BIRC6: variants seen among roughly 807,000 people sequenced by gnomAD.
BIRC6 encodes the protein baculoviral IAP repeat containing 6.
BIRC6 carries 98 observed loss-of-function variants against 503.3 expected under a neutral mutation model. The ratio of observed to expected loss-of-function variants is 0.19; its 90% confidence interval spans 0.17 to 0.23. BIRC6 has a LOEUF of 0.23. BIRC6 is among the 10% of genes least tolerant of loss of function. The probability of loss-of-function intolerance (pLI) is 1.00; values close to 1 mark genes in which losing one functional copy is unlikely to be tolerated. For synonymous variants in BIRC6, 2,240 were observed against 2,078.7 expected, an observed-to-expected ratio of 1.08 and a Z score of -2.11; for missense variants, 5,360 against 5,806.0, an observed-to-expected ratio of 0.92 and a Z score of 2.50.
At chr2:32,399,283 C>A (rs1021237354) in intron 6 of BIRC6, among the ~76,000 whole-genome samples, 6 of 152,022 alleles carry the variant, frequency 3.9e-5, no homozygotes, top group African/African-American at 1.4e-4. Flanking sequence ...ATGGGGTTTC[C>A]CCATGTTGGC....
At position 32,545,650 on chromosome 2, in the gene BIRC6, T is replaced by C. The variant is rs781654703; in HGVS notation, c.12600T>C (p.Ile4200=). The C allele has an allele frequency of 3.7e-6, 6 of 1,612,572 alleles. No individual in the cohort carries two copies. In the Admixed American group the frequency reaches 1.0e-4, roughly 27 times the overall value. The change falls in exon 63 of 74, where the codon ATT becomes ATC. Residue 4200 remains isoleucine, a synonymous_variant. Transcript: ENST00000421745. Reference sequence around the variant, plus strand: ...CTTCTTTCTTCAATCTAGGTCATATTCTTCAATCTCCATCAGCCAATGTGC... The same window carrying C: ...CTTCTTTCTTCAATCTAGGTCATATCCTTCAATCTCCATCAGCCAATGTGC... ...GVTDDGEGSH[I]LQSPSANVLP...
chr2:32,546,054 C>T (rs1423063396), intron 63 of BIRC6, among the ~76,000 whole-genome samples, 194 bp downstream of exon 63: 3 of 152,062 alleles, frequency 2.0e-5, no homozygotes, highest in Non-Finnish European at 2.9e-5. Flanking sequence ...AAAAAGAAAC[C>T]TATCTACTTG....
intron 43 of BIRC6, among the ~76,000 whole-genome samples, chr2:32,490,586 C>G (rs761425789): frequency 1.3e-5 from 2 of 151,960 alleles, no homozygotes; most frequent in Non-Finnish European, 2.9e-5. Context: ...TGAATTAGTT[C>G]TTATATATCC....
At chr2:32,568,445 T>TG (rs2059683287) in intron 65 of BIRC6, among the ~76,000 whole-genome samples, 1 of 143,984 alleles carries the variant, frequency 6.9e-6, no homozygotes, top group Non-Finnish European at 1.5e-5. Flanking sequence ...AGTGCAATGG[T>TG]TACACCATTG....
intron 57 of BIRC6, among the ~76,000 whole-genome samples, chr2:32,523,807 A>G (rs2055993832): frequency 6.6e-6 from 1 of 152,210 alleles, no homozygotes. Flanking sequence ...GAATCCTAGC[A>G]CTTTAGTAGG....
chr2:32,439,270 A>T (rs1334519529), intron 15 of BIRC6, among the ~76,000 whole-genome samples: 1 of 152,148 alleles, frequency 6.6e-6, no homozygotes, highest in Admixed American at 6.5e-5. Flanking sequence ...CCAAATGTTT[A>T]TCTCAATTAG....
chr2:32,542,337 A>T (rs575737283), intron 61 of BIRC6, among the ~76,000 whole-genome samples: 1 of 152,136 alleles, frequency 6.6e-6, no homozygotes, highest in Non-Finnish European at 1.5e-5. Flanking sequence ...TTGCTGTGCT[A>T]GAAAGCAAGG....
At chr2:32,540,326 A>G (rs1431556930) in intron 61 of BIRC6, among the ~76,000 whole-genome samples, 2 of 152,102 alleles carry the variant, frequency 1.3e-5, no homozygotes, top group Non-Finnish European at 2.9e-5. Flanking sequence ...AATTAAAGAC[A>G]TCACATGGTT....
intron 44 of BIRC6, among the ~76,000 whole-genome samples, chr2:32,492,313 G>C (rs2051837471): frequency 6.6e-6 from 1 of 151,988 alleles, no homozygotes; most frequent in Non-Finnish European, 1.5e-5. Context: ...TATTTACCAA[G>C]ATCAAATATC....
Position 32,479,511 on chromosome 2 carries a change from G to A in BIRC6, c.7302G>A (p.Val2434=). The A allele has an allele frequency of 6.2e-7, 1 of 1,605,188 alleles. No individual in the cohort carries two copies. The highest frequency in any genetic ancestry group is 1.7e-4 in the Middle Eastern group (1 of 6,050). Residue 2434 remains valine, a synonymous_variant, in exon 37 of 74, where the codon GTG becomes GTA. Coordinates refer to ENST00000421745, the MANE Select transcript of BIRC6 (RefSeq NM_016252.4). ...VAAEAMEEGT[V]GDDVGATAGD... The stretch of plus-strand genomic sequence containing the variant: ...CAGAAGCCATGGAGGAAGGAACAGT[G>A]GGTGATGATGTAGGTGCGACAGCTG...
In BIRC6 at chr2:32,443,496, G is replaced by T. The variant is rs2045633764; in HGVS notation, c.4244G>T (p.Gly1415Val). ...ARFLALCISN[G>V]KCDPCQPAFG... ...TCTTTTTAAAAATTTTTCAGTAATG[G>T]CAAATGTGACCCATGTCAACCAGCA... Residue 1415 changes from glycine (G) to valine (V), a missense_variant, in exon 20 of 74, where the codon GGC becomes GTC. Gly to Val is a moderately radical substitution (Grantham distance 109). This residue lies in a region of BIRC6 where 2,299 missense variants were observed against 2,267.2 expected (regional missense o/e 1.01). Transcript: ENST00000421745. The T allele has an allele frequency of 1.9e-6, 3 of 1,598,838 alleles. No homozygotes were observed. Among genetic ancestry groups the T allele is most frequent in the African/African-American group, 1.3e-5 (1 of 74,438 alleles).
intron 10 of BIRC6, among the ~76,000 whole-genome samples, chr2:32,418,285 C>T (rs1281215128): frequency 6.6e-6 from 1 of 152,174 alleles, no homozygotes; most frequent in Non-Finnish European, 1.5e-5. Context: ...CATATATGTG[C>T]CAGTTCATTG....
rs936586737 is a variant in BIRC6 at position 32,357,819 on chromosome 2, C to T, written c.325+333C>T. 6.6e-6 allele frequency among the ~76,000 whole-genome samples: 1 copy of T among 152,054 alleles called. No individual in the cohort carries two copies. The highest frequency in any genetic ancestry group is 1.5e-5 in the Non-Finnish European group (1 of 67,996). On this transcript the variant is annotated intron_variant, in intron 1 of 73. Transcript: ENST00000421745. The surrounding 1 kb of genome is among the most constrained non-coding windows in gnomAD (Gnocchi z 4.9). ...GGAGGAAGCGAGGCCCGGGTAGGCCCTGGAGAGGCTGTCGGTCCTGCGTCC... is the reference window on the plus strand; with the variant it reads ...GGAGGAAGCGAGGCCCGGGTAGGCCTTGGAGAGGCTGTCGGTCCTGCGTCC...
chr2:32,522,155 C>T (rs1325123871), intron 57 of BIRC6: 2 of 151,628 alleles, frequency 1.3e-5, no homozygotes, highest in African/African-American at 4.8e-5. Flanking sequence ...TCTCCTTGTC[C>T]TTACTTAAAG....
Position 32,617,799 on chromosome 2 carries a change from T to C in BIRC6, c.14469T>C (p.Asp4823=), listed in dbSNP as rs761025615. The change falls in exon 74 of 74, where the codon GAT becomes GAC. Residue 4823 remains aspartate (D), a synonymous_variant. Coordinates refer to ENST00000421745, the MANE Select transcript of BIRC6 (RefSeq NM_016252.4). ...CPEGLDPDTD[D]APEVCRATTG... is the part of the protein sequence containing the mutation. ...AAGGCTTGGATCCTGACACTGACGA[T>C]GCCCCAGAGGTGTGCAGAGCCACAA... is the stretch of plus-strand genomic sequence containing the variant. 3.7e-6 allele frequency: 6 copies of C among 1,614,020 alleles called. No homozygotes were observed. Among genetic ancestry groups the C allele is most frequent in the Non-Finnish European group, 5.1e-6 (6 of 1,179,888 alleles).
In BIRC6 at chr2:32,401,273, C is replaced by T. The variant is rs752538662; in HGVS notation, c.1145C>T (p.Thr382Met). 32 of 1,613,854 alleles carry T rather than the reference C, an allele frequency of 2.0e-5. No individual in the cohort carries two copies. Among genetic ancestry groups the T allele is most frequent in the African/African-American group, 6.7e-5 (5 of 74,906 alleles). The part of the protein sequence containing the change: ...LATSPAQFPC[T>M]DGTDRISCFG... ...ACAAGTCCTGCACAGTTTCCTTGTA[C>T]GGATGGAACTGACAGAATATCTTGC... Residue 382 changes from threonine to methionine, a missense_variant, in exon 7 of 74, where the codon ACG becomes ATG. Thr to Met is a moderately conservative substitution (Grantham distance 81). Transcript: ENST00000421745.
At chr2:32,377,921 T>TCTCTG (rs1473099490) in intron 2 of BIRC6, among the ~76,000 whole-genome samples, 152 bp downstream of exon 2, 3 of 152,226 alleles carry the variant, frequency 2.0e-5, no homozygotes, top group African/African-American at 7.2e-5. Context: ...ATTTAAATAT[T>TCTCTG]AATACTCACC....
At chr2:32,391,968 G>T in intron 4 of BIRC6, 71 bp from the exon 5 acceptor site, 2 of 1,001,370 alleles carry the variant, frequency 2.0e-6, no homozygotes, top group Admixed American at 2.9e-5. Context: ...ATTATTTTTT[G>T]CATTGTTAAA....
chr2:32,551,988 C>T (rs1559036761), intron 65 of BIRC6, among the ~76,000 whole-genome samples: 1 of 152,162 alleles, frequency 6.6e-6, no homozygotes. Context: ...TAAAAAAACG[C>T]AGGCCTAACA....
Sources: gnomAD v4.1 joint callset for allele counts (sites outside exome capture counted in the v4.1 genomes callset) on GRCh38, gnomAD v4.1.1 for gene constraint, gnomAD v4.1.1 regional missense constraint, Gnocchi (gnomAD v3.1) non-coding constraint, MANE v1.5 for transcripts, NCBI Gene and HGNC (gene_info 2026-07-23, HGNC 2026-07-21) for gene names.